The following NTM variants were observed in gnomAD, a reference collection of about 807,000 sequenced individuals.
NTM encodes the protein IgLON family member 2.
A neutral mutation model predicts 42.1 loss-of-function variants in NTM; 13 were observed. The observed-to-expected ratio is 0.31, with a 90% CI of 0.20 to 0.49. The LOEUF (loss-of-function observed/expected upper bound fraction) is 0.49. NTM is among the 20% of genes least tolerant of loss of function. The pLI, the probability that NTM is intolerant of heterozygous loss-of-function variation, is 0.99. For synonymous variants in NTM, 187 were observed against 179.2 expected, an observed-to-expected ratio of 1.04 and a Z score of -0.35; for missense variants, 373 against 452.8, an observed-to-expected ratio of 0.82 and a Z score of 1.60.
At position 131,820,876 on chromosome 11, in the gene NTM, T is replaced by C. The variant is rs558473006; in HGVS notation, c.83-90688T>C. Among the ~76,000 whole-genome samples, 5 of 152,296 alleles carry C rather than the reference T, an allele frequency of 3.3e-5. No homozygotes were observed. The East Asian group carries it at 9.7e-4, about 29-fold the overall frequency. On this transcript the variant is annotated intron_variant, in intron 1 of 8. Transcript: ENST00000683400. ...TCAGGGTTTAAGGTGTCTCCATTCA[T>C]TTTGCTATTACAAACGCGGCCACTA...
intron 1 of NTM, among the ~76,000 whole-genome samples, chr11:131,705,274 G>A (rs1414922173): frequency 6.6e-6 from 1 of 152,186 alleles, no homozygotes; most frequent in Non-Finnish European, 1.5e-5. Context: ...AGGACTATCA[G>A]CAGATTTCTC....
At chr11:131,755,077 T>C (rs1450116233) in intron 1 of NTM, among the ~76,000 whole-genome samples, 1 of 152,214 alleles carries the variant, frequency 6.6e-6, no homozygotes, top group East Asian at 1.9e-4. Flanking sequence ...ATGAGGTAAC[T>C]TTCTGGGACA....
At chr11:131,878,953 T>G (rs1441553695) in intron 1 of NTM, among the ~76,000 whole-genome samples, 1 of 152,074 alleles carries the variant, frequency 6.6e-6, no homozygotes, top group Non-Finnish European at 1.5e-5. Flanking sequence ...TGCCACTATG[T>G]ACGCTGCCAA....
At chr11:131,789,424 AAG>A (rs532434495) in intron 1 of NTM, among the ~76,000 whole-genome samples, 445 of 22,092 alleles carry the variant, frequency 0.02, 80 homozygotes, top group Middle Eastern at 0.034. Flanking sequence ...AGAAAAAAAG[AAG>A]AAGGAAGAAG....
chr11:131,692,593 G>C (rs1228145499), intron 1 of NTM, among the ~76,000 whole-genome samples: 2 of 152,250 alleles, frequency 1.3e-5, no homozygotes, highest in Non-Finnish European at 2.9e-5. Context: ...AGGAAAGAGA[G>C]AGCGTTTCCA....
intron 3 of NTM, among the ~76,000 whole-genome samples, chr11:132,174,233 T>A (rs1202003134): frequency 6.6e-6 from 1 of 152,224 alleles, no homozygotes. Context: ...GGCAAACTTA[T>A]ACAGGACACT....
chr11:132,194,127 T>TTCTCATACC (rs143922854), intron 3 of NTM, among the ~76,000 whole-genome samples: 1 of 151,782 alleles, frequency 6.6e-6, no homozygotes, highest in East Asian at 1.9e-4. Context: ...GCCAGCATTA[T>TTCTCATACC]AAAGACACAA....
intron 1 of NTM, among the ~76,000 whole-genome samples, chr11:131,746,116 G>A (rs1056427066): frequency 2.0e-5 from 3 of 151,998 alleles, no homozygotes; most frequent in African/African-American, 4.8e-5. Context: ...TGTGGGAGTC[G>A]TCATCCTCTC....
At chr11:131,408,137 C>T (rs1946005805) in intron 1 of NTM, among the ~76,000 whole-genome samples, 1 of 152,194 alleles carries the variant, frequency 6.6e-6, no homozygotes, top group Non-Finnish European at 1.5e-5. Context: ...AGTTATTAAT[C>T]ACTGGGTCAC....
intron 1 of NTM, among the ~76,000 whole-genome samples, chr11:131,418,118 G>A (rs1358805981): frequency 6.6e-6 from 1 of 152,212 alleles, no homozygotes; most frequent in Non-Finnish European, 1.5e-5. Context: ...TTTTGTCTTA[G>A]GTTCAGCTAG....
intron 1 of NTM, among the ~76,000 whole-genome samples, chr11:131,503,544 A>G (rs1205036145): frequency 8.6e-6 from 1 of 115,794 alleles, no homozygotes; most frequent in East Asian, 2.2e-4. Context: ...TTTTTTTGAG[A>G]CAAGGTCTTA....
chr11:132,265,150 A>C (rs1278476517), intron 4 of NTM, among the ~76,000 whole-genome samples: 1 of 152,208 alleles, frequency 6.6e-6, no homozygotes, highest in Non-Finnish European at 1.5e-5. Flanking sequence ...ATTGTCTTTT[A>C]AATACTGTGG....
At chr11:132,201,303 C>T (rs942035459) in intron 3 of NTM, among the ~76,000 whole-genome samples, 1 of 152,152 alleles carries the variant, frequency 6.6e-6, no homozygotes, top group Non-Finnish European at 1.5e-5. Context: ...GGGAGAGAAG[C>T]AACTAATGGA....
At position 131,623,672 on chromosome 11, in the gene NTM, G is replaced by T. The variant is rs560786860; in HGVS notation, c.82+252784G>T. On this transcript the variant is annotated intron_variant, in intron 1 of 8. Coordinates refer to ENST00000683400, the MANE Select transcript of NTM (RefSeq NM_001352005.2). Reference sequence around the variant, plus strand: ...AGGACACTTGCAGTGCGCCTGCCTGGAGTGACCCCCGCAGATGGTTTTGGG... The same window carrying T: ...AGGACACTTGCAGTGCGCCTGCCTGTAGTGACCCCCGCAGATGGTTTTGGG... Among the ~76,000 whole-genome samples the T allele has an allele frequency of 5.3e-5, 8 of 152,308 alleles. No individual in the cohort carries two copies. The East Asian group carries it at 1.5e-3, about 29-fold the overall frequency.
intron 2 of NTM, among the ~76,000 whole-genome samples, chr11:132,036,484 C>G (rs2076526427): frequency 6.6e-6 from 1 of 152,044 alleles, no homozygotes; most frequent in East Asian, 1.9e-4. Flanking sequence ...GAGAAAAATT[C>G]CTTTTTATAA....
chr11:132,176,722 GTTTTTT>G (rs148699196), intron 3 of NTM, among the ~76,000 whole-genome samples: 1 of 82,004 alleles, frequency 1.2e-5, no homozygotes, highest in African/African-American at 4.8e-5. Flanking sequence ...CATGCCTAAA[GTTTTTT>G]TTTTTTTTTT....
intron 1 of NTM, chr11:131,660,122 G>A (rs569679626): frequency 5.4e-6 from 1 of 184,616 alleles, no homozygotes; most frequent in South Asian, 1.2e-4. Context: ...GGGAGCCTCT[G>A]CGGCCAGGAG....
At chr11:132,251,496 G>A (rs889092310) in intron 4 of NTM, among the ~76,000 whole-genome samples, 55 of 152,116 alleles carry the variant, frequency 3.6e-4, no homozygotes, top group African/African-American at 1.2e-3. Flanking sequence ...AAACCACATC[G>A]CACATCTGCT....
chr11:132,052,819 C>T (rs373558613), intron 2 of NTM, among the ~76,000 whole-genome samples: 1 of 149,834 alleles, frequency 6.7e-6, no homozygotes, highest in Non-Finnish European at 1.5e-5. Context: ...GCTCATTTAA[C>T]CTTTTAGTAA....
Sources: gnomAD v4.1 joint callset for allele counts (sites outside exome capture counted in the v4.1 genomes callset) on GRCh38, gnomAD v4.1.1 for gene constraint, MANE v1.5 for transcripts, NCBI Gene and HGNC (gene_info 2026-07-23, HGNC 2026-07-21) for gene names.